The following SPRYD7 variants were observed in gnomAD, a reference collection of about 807,000 sequenced individuals.
SPRYD7 encodes the protein SPRY domain containing 7.
In SPRYD7, 14 loss-of-function variants were observed where a neutral mutation model predicts 23.8. That is an observed-to-expected ratio of 0.59 (90% CI 0.39 to 0.92). The LOEUF (loss-of-function observed/expected upper bound fraction) is 0.92. Ranked by LOEUF, SPRYD7 falls within the 40% of genes least tolerant of loss-of-function variation. The pLI, the probability that SPRYD7 is intolerant of heterozygous loss-of-function variation, is 0.00. For synonymous variants in SPRYD7, 75 were observed against 84.9 expected, an observed-to-expected ratio of 0.88 and a Z score of 0.64; for missense variants, 194 against 241.7, an observed-to-expected ratio of 0.80 and a Z score of 1.31.
chr13:49,924,994 A>AAATAATAATAAT (rs201309392), intron 3 of SPRYD7, among the ~76,000 whole-genome samples: 2 of 135,794 alleles, frequency 1.5e-5, no homozygotes, highest in Admixed American at 7.5e-5. Flanking sequence ...AAAAATAAAT[A>AAATAATAATAAT]AATAATAATA....
chr13:49,915,632 G>T (rs2138208581), intron 4 of SPRYD7, among the ~76,000 whole-genome samples: 1 of 152,312 alleles, frequency 6.6e-6, no homozygotes, highest in South Asian at 2.1e-4. Flanking sequence ...CCAGGAAACT[G>T]ACATTGGTAC....
intron 1 of SPRYD7, among the ~76,000 whole-genome samples, chr13:49,931,456 A>G (rs1955948337): frequency 6.6e-6 from 1 of 152,192 alleles, no homozygotes; most frequent in South Asian, 2.1e-4. Flanking sequence ...CTGGGATTAC[A>G]GGCGTGAAGC....
intron 1 of SPRYD7, among the ~76,000 whole-genome samples, chr13:49,931,938 G>A (rs1384790324): frequency 1.3e-5 from 2 of 152,182 alleles, no homozygotes; most frequent in African/African-American, 4.8e-5. Context: ...AGAGAAGTAA[G>A]TTTTAATTAA....
At chr13:49,926,745 C>T (rs1380818050) in intron 3 of SPRYD7, among the ~76,000 whole-genome samples, 2 of 152,092 alleles carry the variant, frequency 1.3e-5, no homozygotes, top group Non-Finnish European at 2.9e-5. Flanking sequence ...ATCTTTTCAT[C>T]TTATTAGAAT....
chr13:49,914,882 C>G lies in SPRYD7; in HGVS notation c.*181G>C. On this transcript the variant is annotated 3_prime_UTR_variant, in exon 5 of 5. Transcript: ENST00000361840. ...TGCCCAAATGCTTATTTTCATTTCA[C>G]AAAACATAAAGTATTTTAAATCACA... 1 of 339,858 alleles carries G rather than the reference C, an allele frequency of 2.9e-6. No individual in the cohort carries two copies. Among genetic ancestry groups the G allele is most frequent in the Non-Finnish European group, 5.5e-6 (1 of 181,206 alleles). The allele number at this position is 339,858 out of a possible 1,614,324, so 21.1% of individuals were successfully genotyped here.
In SPRYD7 at chr13:49,936,154, C is replaced by A. The variant is rs748656568; in HGVS notation, c.82G>T (p.Val28Leu). The A allele has an allele frequency of 6.2e-7, 1 of 1,606,602 alleles. No homozygotes were observed. Among genetic ancestry groups the A allele is most frequent in the South Asian group, 1.1e-5 (1 of 89,824 alleles). Residue 28 changes from valine to leucine, a missense_variant, in exon 1 of 5, where the codon GTG (valine) becomes TTG (leucine). Coordinates refer to ENST00000361840, the MANE Select transcript of SPRYD7 (RefSeq NM_020456.4). ...GHIPLKEMPA[V>L]QLDTQHMGTD... ...CCCATGTGCTGCGTGTCCAGCTGCA[C>A]GGCCGGCATCTCCTTCAGAGGGATG...
chr13:49,917,101 T>C (rs1955760794), intron 4 of SPRYD7, among the ~76,000 whole-genome samples: 1 of 152,170 alleles, frequency 6.6e-6, no homozygotes. Context: ...TTTTTTGTTT[T>C]GTTTTGTTGT....
intron 3 of SPRYD7, among the ~76,000 whole-genome samples, chr13:49,927,546 A>C (rs1955896302): frequency 6.6e-6 from 1 of 152,034 alleles, no homozygotes; most frequent in African/African-American, 2.4e-5. Flanking sequence ...TCCCTAAGAG[A>C]TATCCAGCCT....
At chr13:49,924,728 C>G (rs1404928816) in intron 3 of SPRYD7, among the ~76,000 whole-genome samples, 1 of 151,754 alleles carries the variant, frequency 6.6e-6, no homozygotes, top group Non-Finnish European at 1.5e-5. Context: ...AATCTCAGCA[C>G]TTTGGGAGGC....
At chr13:49,933,809 A>C (rs1326087028) in intron 1 of SPRYD7, among the ~76,000 whole-genome samples, 5 of 152,112 alleles carry the variant, frequency 3.3e-5, no homozygotes, top group Non-Finnish European at 7.3e-5. Flanking sequence ...AGGATGTTTT[A>C]AGAAACATAA....
rs1410564913 is a variant in SPRYD7, at chr13:49,924,635, A to G, written c.391-3055T>C. ...CTATATAGTCTTGTAATTAACTCACATAAGAAGTTACTTAATTTCTCTTAA... is the reference window on the plus strand; with the variant it reads ...CTATATAGTCTTGTAATTAACTCACGTAAGAAGTTACTTAATTTCTCTTAA... On this transcript the variant is annotated intron_variant, in intron 3 of 4. Transcript: ENST00000361840. Among the ~76,000 whole-genome samples the G allele has an allele frequency of 2.0e-5, 3 of 152,134 alleles. 1 individual carries two copies. Among genetic ancestry groups the G allele is most frequent in the East Asian group, 1.9e-4 (1 of 5,142 alleles).
At chr13:49,934,555 CAAAA>C (rs889803067) in intron 1 of SPRYD7, among the ~76,000 whole-genome samples, 1 of 54,408 alleles carries the variant, frequency 1.8e-5, no homozygotes, top group Non-Finnish European at 3.8e-5. Flanking sequence ...AACTCCGTCT[CAAAA>C]AAAAAAAAAA....
At chr13:49,915,340 C>T (rs1566399883) in intron 4 of SPRYD7, among the ~76,000 whole-genome samples, 180 bp from the exon 5 acceptor site, 3 of 151,986 alleles carry the variant, frequency 2.0e-5, no homozygotes, top group Admixed American at 6.6e-5. Flanking sequence ...ACAGCCACAA[C>T]AAAAATCAAA....
intron 4 of SPRYD7, among the ~76,000 whole-genome samples, chr13:49,919,496 A>T (rs1955792540): frequency 6.6e-6 from 1 of 152,112 alleles, no homozygotes; most frequent in African/African-American, 2.4e-5. Context: ...GTGAGCCAAG[A>T]TCGTGCCACT....
chr13:49,915,940 C>T (rs1955746751), intron 4 of SPRYD7, among the ~76,000 whole-genome samples: 1 of 152,032 alleles, frequency 6.6e-6, no homozygotes, highest in Admixed American at 6.6e-5. Flanking sequence ...GAAGCCAGAC[C>T]AAAAGAAAAG....
intron 1 of SPRYD7, chr13:49,935,564 A>T (rs1871584922): frequency 6.6e-6 from 1 of 152,248 alleles, no homozygotes; most frequent in African/African-American, 2.4e-5. Flanking sequence ...ACCTCTCACA[A>T]TGACTAAGGA....
At chr13:49,921,074 C>T (rs577712972) in intron 4 of SPRYD7, among the ~76,000 whole-genome samples, 1 of 152,156 alleles carries the variant, frequency 6.6e-6, no homozygotes, top group African/African-American at 2.4e-5. Flanking sequence ...TGTGTCCCCA[C>T]CCAAATCTCG....
chr13:49,936,079 C>A, intron 1 of SPRYD7, 51 bp downstream of exon 1: 1 of 1,427,720 alleles, frequency 7.0e-7, no homozygotes, highest in South Asian at 1.4e-5. Flanking sequence ...CCCCTGCCCG[C>A]CGCGCCCGGC....
At chr13:49,930,917 G>T in intron 2 of SPRYD7, 101 bp downstream of exon 2, 1 of 665,556 alleles carries the variant, frequency 1.5e-6, no homozygotes. Flanking sequence ...TAAGAGTTTG[G>T]TGCTTTTATA....
Sources: gnomAD v4.1 joint callset for allele counts (sites outside exome capture counted in the v4.1 genomes callset) on GRCh38, gnomAD v4.1.1 for gene constraint, MANE v1.5 for transcripts, NCBI Gene and HGNC (gene_info 2026-07-23, HGNC 2026-07-21) for gene names.